ARFIP1: variants seen among roughly 807,000 people sequenced by gnomAD.
The protein encoded by ARFIP1 is arfaptin-1.
Under a neutral mutation model 42.5 loss-of-function variants are expected in ARFIP1, and 24 were observed. The ratio of observed to expected loss-of-function variants is 0.57; its 90% CI spans 0.41 to 0.80. The LOEUF is 0.80. Ranked by LOEUF, ARFIP1 falls within the 30% of genes least tolerant of loss-of-function variation. The probability of loss-of-function intolerance (pLI) is 0.00; values close to 1 mark genes in which losing one functional copy is unlikely to be tolerated. For missense variants in ARFIP1, 354 were observed against 434.0 expected (o/e 0.82, Z 1.64); for synonymous variants, 141 against 153.7 (o/e 0.92, Z 0.61).
chr4:152,867,434 G>A (rs1369941098), intron 3 of ARFIP1, among the ~76,000 whole-genome samples: 5 of 152,210 alleles, frequency 3.3e-5, no homozygotes, highest in Non-Finnish European at 5.9e-5. Context: ...GCAGTGAGCC[G>A]AGATGGCAGC....
At chr4:152,810,832 G>A (rs1023991778) in intron 1 of ARFIP1, among the ~76,000 whole-genome samples, 1 of 152,080 alleles carries the variant, frequency 6.6e-6, no homozygotes, top group African/African-American at 2.4e-5. Flanking sequence ...AAGATGGTGT[G>A]CTATTCCACA....
chr4:152,818,092 A>G (rs1197129716), intron 1 of ARFIP1, among the ~76,000 whole-genome samples: 1 of 152,246 alleles, frequency 6.6e-6, no homozygotes, highest in Non-Finnish European at 1.5e-5. Flanking sequence ...CCAAGATGGC[A>G]GACTGGAGAC....
chr4:152,872,598 G>A, intron 5 of ARFIP1, 34 bp downstream of exon 5: 1 of 1,322,498 alleles, frequency 7.6e-7, no homozygotes, highest in Non-Finnish European at 1.0e-6. Flanking sequence ...ACCCTAAATG[G>A]CTCTAAAAAA....
intron 1 of ARFIP1, among the ~76,000 whole-genome samples, chr4:152,827,395 G>T (rs1374069043): frequency 6.6e-6 from 1 of 151,308 alleles, no homozygotes; most frequent in Non-Finnish European, 1.5e-5. Flanking sequence ...CGTTAAAATT[G>T]ATGACCCTAC....
At chr4:152,896,797 A>G (rs376779992) in intron 8 of ARFIP1, among the ~76,000 whole-genome samples, 1 of 152,080 alleles carries the variant, frequency 6.6e-6, no homozygotes, top group South Asian at 2.1e-4. Flanking sequence ...ACTGTGCCTT[A>G]TCTTTTTTTC....
At chr4:152,786,240 G>T (rs1730800911) in intron 1 of ARFIP1, among the ~76,000 whole-genome samples, 1 of 152,174 alleles carries the variant, frequency 6.6e-6, no homozygotes, top group African/African-American at 2.4e-5. Flanking sequence ...TTGAGCTGTA[G>T]ATCTGTATGT....
chr4:152,872,760 AAG>A (rs1734999060), intron 5 of ARFIP1, among the ~76,000 whole-genome samples, 196 bp downstream of exon 5: 1 of 152,300 alleles, frequency 6.6e-6, no homozygotes, highest in East Asian at 1.9e-4. Context: ...TTTAGTACAA[AAG>A]AGTAAAAAAG....
rs186608786 is a variant in ARFIP1 at position 152,904,051 on chromosome 4, T to A, written c.967-6013T>A. Among the ~76,000 whole-genome samples, 548 of 151,992 alleles carry A rather than the reference T, an allele frequency of 3.6e-3. 4 individuals are homozygous for A. The highest frequency in any genetic ancestry group is 6.5e-3 in the Admixed American group (99 of 15,258). ...ATTGGAAGTTAAAATTCTTTTTTTT[T>A]AAGTTATTTTTATTTTTAAGTTCAT... On this transcript the variant is annotated intron_variant, in intron 8 of 8. Coordinates refer to ENST00000353617, the MANE Select transcript of ARFIP1 (RefSeq NM_001025595.3).
rs138644333 is a variant in ARFIP1 at position 152,799,653 on chromosome 4, C to T, written c.-10+19427C>T. On this transcript the variant is annotated intron_variant, in intron 1 of 8. Coordinates refer to ENST00000353617, the MANE Select transcript of ARFIP1 (RefSeq NM_001025595.3). ...AGCAGTGTTGTAGTTACAGGTAATC[C>T]TGAGAAGCTAGAGAATTATGTATAC... Among the ~76,000 whole-genome samples the T allele has an allele frequency of 2.4e-3, 359 of 152,226 alleles. 2 individuals carry two copies. The highest frequency in any genetic ancestry group is 8.2e-3 in the African/African-American group (339 of 41,528).
chr4:152,875,051 A>G (rs1177505317), intron 5 of ARFIP1, among the ~76,000 whole-genome samples: 1 of 151,962 alleles, frequency 6.6e-6, no homozygotes, highest in African/African-American at 2.4e-5. Context: ...TTCGGTTTCT[A>G]TTCTGTAACA....
Position 152,861,397 on chromosome 4 carries a change from C to G in ARFIP1, c.94-2209C>G, listed in dbSNP as rs139875415. Among the ~76,000 whole-genome samples the G allele has an allele frequency of 1.3e-5, 2 of 152,152 alleles. 1 individual carries two copies. The highest frequency in any genetic ancestry group is 4.1e-4 in the South Asian group (2 of 4,838). On this transcript the variant is annotated intron_variant, in intron 2 of 8. Coordinates refer to ENST00000353617, the MANE Select transcript of ARFIP1 (RefSeq NM_001025595.3). Reference sequence around the variant, plus strand: ...GAGATGATGAACCAAGTTATCCTTACTGTATTTCTATGACGTTGTATAAGT... The same window carrying G: ...GAGATGATGAACCAAGTTATCCTTAGTGTATTTCTATGACGTTGTATAAGT...
intron 3 of ARFIP1, among the ~76,000 whole-genome samples, chr4:152,865,957 G>T (rs1734293567): frequency 6.6e-6 from 1 of 151,832 alleles, no homozygotes; most frequent in Admixed American, 6.6e-5. Context: ...GTGGAGGGAA[G>T]GTCAGCAGAT....
At chr4:152,794,304 G>A (rs926413353) in intron 1 of ARFIP1, among the ~76,000 whole-genome samples, 1 of 152,024 alleles carries the variant, frequency 6.6e-6, no homozygotes, top group Admixed American at 6.6e-5. Flanking sequence ...CTAACATTTT[G>A]CTTGTCTTTT....
chr4:152,877,852 C>T (rs1323463324), intron 5 of ARFIP1, among the ~76,000 whole-genome samples: 1 of 152,166 alleles, frequency 6.6e-6, no homozygotes, highest in African/African-American at 2.4e-5. Context: ...TTCTTATTTT[C>T]TCTTGCCACC....
rs563778008 is a variant in ARFIP1, at chr4:152,908,354, G to A, written c.967-1710G>A. Among the ~76,000 whole-genome samples the A allele has an allele frequency of 3.9e-5, 6 of 152,206 alleles. No individual in the cohort carries two copies. The South Asian group carries it at 1.2e-3, about 32-fold the overall frequency. On this transcript the variant is annotated intron_variant, in intron 8 of 8. Transcript: ENST00000353617. ...TTTTGATGAATATTAGGCCGGGCAC[G>A]GTGACTCACGCCTGTAATCCCAGTA...
chr4:152,892,488 G>A (rs989993143), intron 8 of ARFIP1, among the ~76,000 whole-genome samples: 5 of 152,140 alleles, frequency 3.3e-5, no homozygotes, highest in Admixed American at 6.6e-5. Context: ...AAAGCCAGCC[G>A]TGTGACTATA....
chr4:152,891,863 A>G (rs578022800), intron 8 of ARFIP1, among the ~76,000 whole-genome samples: 2 of 151,150 alleles, frequency 1.3e-5, no homozygotes, highest in East Asian at 3.9e-4. Flanking sequence ...GCGTGCCATC[A>G]TGCCCAGTTA....
chr4:152,891,302 A>G (rs1263761895), intron 8 of ARFIP1, among the ~76,000 whole-genome samples: 2 of 152,350 alleles, frequency 1.3e-5, no homozygotes, highest in South Asian at 2.1e-4. Flanking sequence ...TTGAATTTGA[A>G]CTGAGTAATC....
chr4:152,787,848 A>G (rs965655090), intron 1 of ARFIP1, among the ~76,000 whole-genome samples: 1 of 152,248 alleles, frequency 6.6e-6, no homozygotes, highest in African/African-American at 2.4e-5. Context: ...AATCCAAAAC[A>G]TTTCTAGTCT....
Sources: allele counts gnomAD v4.1 joint callset (sites outside exome capture counted in the v4.1 genomes callset), GRCh38; gene constraint gnomAD v4.1.1; transcripts MANE v1.5; gene names NCBI Gene and HGNC (gene_info 2026-07-23, HGNC 2026-07-21).